The following SPIDR variants were observed in gnomAD, a reference collection of about 807,000 sequenced individuals.
The protein encoded by SPIDR is DNA repair-scaffolding protein.
Under a neutral mutation model 104.6 loss-of-function variants are expected in SPIDR, and 93 were observed. That is an observed-to-expected ratio of 0.89 (90% CI 0.75 to 1.06). SPIDR has a LOEUF of 1.06. SPIDR is among the 50% of genes least tolerant of loss of function. SPIDR has a pLI of 0.00. For missense variants in SPIDR, 1,154 were observed against 1,111.2 expected (o/e 1.04, Z -0.55); for synonymous variants, 431 against 416.9 (o/e 1.03, Z -0.41).
At chr8:47,569,904 A>G (rs530267445) in intron 8 of SPIDR, among the ~76,000 whole-genome samples, 1 of 152,340 alleles carries the variant, frequency 6.6e-6, no homozygotes, top group South Asian at 2.1e-4. Flanking sequence ...CAAAAGGAAT[A>G]AAATACTTAG....
At chr8:47,724,469 G>T (rs946938821) in intron 16 of SPIDR, among the ~76,000 whole-genome samples, 2 of 152,182 alleles carry the variant, frequency 1.3e-5, no homozygotes, top group Non-Finnish European at 2.9e-5. Context: ...AATAGCAGTT[G>T]CCCCCATCTC....
chr8:47,341,500 A>C (rs1554613987), intron 5 of SPIDR, among the ~76,000 whole-genome samples: 1 of 152,198 alleles, frequency 6.6e-6, no homozygotes, highest in Non-Finnish European at 1.5e-5. Flanking sequence ...CATTTAAATT[A>C]GTAATAATAG....
intron 10 of SPIDR, among the ~76,000 whole-genome samples, chr8:47,672,615 C>T (rs995599867): frequency 6.6e-6 from 1 of 152,186 alleles, no homozygotes; most frequent in Non-Finnish European, 1.5e-5. Flanking sequence ...TCTATCAAGT[C>T]ATTTTATGTA....
At chr8:47,728,717 C>T in intron 17 of SPIDR, 1 of 464,108 alleles carries the variant, frequency 2.2e-6, no homozygotes, top group South Asian at 3.2e-5. Flanking sequence ...TCTTCGGCCT[C>T]CAGCCAGTGC....
chr8:47,698,085 T>C (rs2079613429), intron 11 of SPIDR, among the ~76,000 whole-genome samples: 1 of 152,224 alleles, frequency 6.6e-6, no homozygotes, highest in Non-Finnish European at 1.5e-5. Flanking sequence ...AATTAAGTTA[T>C]CAAATCATAA....
intron 8 of SPIDR, chr8:47,592,659 C>T: frequency 2.2e-6 from 2 of 911,600 alleles, no homozygotes; most frequent in Non-Finnish European, 3.4e-6. Flanking sequence ...CTCCGCTTGC[C>T]TCACGCACGA....
chr8:47,591,004 C>T (rs1003943042), intron 8 of SPIDR, among the ~76,000 whole-genome samples: 2 of 151,970 alleles, frequency 1.3e-5, no homozygotes, highest in Non-Finnish European at 2.9e-5. Flanking sequence ...TATCTTTTCT[C>T]ATTTTTTACT....
chr8:47,514,720 A>G (rs2082855631), intron 8 of SPIDR, among the ~76,000 whole-genome samples: 1 of 152,168 alleles, frequency 6.6e-6, no homozygotes, highest in South Asian at 2.1e-4. Context: ...AAATATAAGT[A>G]TTTAGGTGAC....
At chr8:47,401,595 G>A (rs922681864) in intron 6 of SPIDR, among the ~76,000 whole-genome samples, 12 of 152,148 alleles carry the variant, frequency 7.9e-5, no homozygotes, top group East Asian at 5.8e-4. Context: ...CCCATCTCAC[G>A]TGCAGAGACA....
chr8:47,631,166 A>C (rs980778604), intron 10 of SPIDR, among the ~76,000 whole-genome samples: 3 of 152,108 alleles, frequency 2.0e-5, no homozygotes, highest in Non-Finnish European at 4.4e-5. Context: ...TTCTCTTTCC[A>C]AGTCTCTGCC....
chr8:47,546,440 T>C (rs2089397528), intron 8 of SPIDR, among the ~76,000 whole-genome samples: 1 of 152,140 alleles, frequency 6.6e-6, no homozygotes, highest in Non-Finnish European at 1.5e-5. Context: ...GTCTACATGG[T>C]CTATAGTGAT....
At chr8:47,307,837 C>T (rs925296304) in intron 5 of SPIDR, among the ~76,000 whole-genome samples, 3 of 152,088 alleles carry the variant, frequency 2.0e-5, no homozygotes, top group African/African-American at 7.2e-5. Flanking sequence ...CTGTGCCCGC[C>T]CTAGTACTTT....
At chr8:47,533,657 G>A (rs1484485872) in intron 8 of SPIDR, among the ~76,000 whole-genome samples, 1 of 151,728 alleles carries the variant, frequency 6.6e-6, no homozygotes, top group Non-Finnish European at 1.5e-5. Flanking sequence ...AAGCATATGG[G>A]GGAAAAAAAA....
intron 8 of SPIDR, among the ~76,000 whole-genome samples, chr8:47,497,202 A>T (rs1297683901): frequency 6.6e-6 from 1 of 151,334 alleles, no homozygotes; most frequent in African/African-American, 2.4e-5. Flanking sequence ...TCTATTCTCT[A>T]TTTCATGTAT....
chr8:47,735,111 GGT>G (rs202076247), intron 19 of SPIDR, among the ~76,000 whole-genome samples, 194 bp from the exon 20 acceptor site: 4,747 of 134,858 alleles, frequency 0.035, 105 homozygotes, highest in Non-Finnish European at 0.052. Context: ...TGTGTGTGTG[GGT>G]GTGTGTGTGT....
intron 8 of SPIDR, among the ~76,000 whole-genome samples, chr8:47,450,868 A>G (rs1189622894): frequency 6.6e-6 from 1 of 152,226 alleles, no homozygotes; most frequent in African/African-American, 2.4e-5. Context: ...AGCAAATATT[A>G]AAGTATAATT....
chr8:47,321,057 C>T (rs536645094), intron 5 of SPIDR, among the ~76,000 whole-genome samples: 6 of 152,150 alleles, frequency 3.9e-5, no homozygotes, highest in East Asian at 1.9e-4. Flanking sequence ...CCTCTCTCAC[C>T]GCTCCTATTC....
intron 15 of SPIDR, chr8:47,713,093 A>G: frequency 8.0e-7 from 1 of 1,249,280 alleles, no homozygotes; most frequent in Non-Finnish European, 1.0e-6. Flanking sequence ...TCACTCCAGA[A>G]TTGCCTGCTG....
chr8:47,419,106 T>A (rs1441883447), intron 7 of SPIDR: 3 of 152,324 alleles, frequency 2.0e-5, no homozygotes, highest in African/African-American at 7.2e-5. Flanking sequence ...CTGCCAGGCT[T>A]TGGTATCAGG....
Sources: gnomAD v4.1 joint callset for allele counts (sites outside exome capture counted in the v4.1 genomes callset) on GRCh38, gnomAD v4.1.1 for gene constraint, MANE v1.5 for transcripts, NCBI Gene and HGNC (gene_info 2026-07-23, HGNC 2026-07-21) for gene names.